KAT2B: variants seen among roughly 807,000 people sequenced by gnomAD.
KAT2B encodes histone acetyltransferase KAT2B.
In KAT2B, 36 loss-of-function variants were observed where a neutral mutation model predicts 105.9. That is an observed-to-expected ratio of 0.34 (90% CI 0.26 to 0.45). The LOEUF (loss-of-function observed/expected upper bound fraction) is 0.45, where lower values mean the gene tolerates loss of function less well. Ranked by LOEUF, KAT2B falls within the 20% of genes least tolerant of loss-of-function variation. The pLI is 1.00. For synonymous variants in KAT2B, 397 were observed against 377.9 expected (o/e 1.05, Z -0.59); for missense variants, 820 against 1,021.6 (o/e 0.80, Z 2.69).
intron 2 of KAT2B, among the ~76,000 whole-genome samples, chr3:20,073,030 A>G (rs1406640145): frequency 6.6e-6 from 1 of 152,104 alleles, no homozygotes; most frequent in East Asian, 1.9e-4. Context: ...ATTGTCAGTG[A>G]TGGCTCAGTA....
chr3:20,095,517 C>G, intron 3 of KAT2B, 109 bp downstream of exon 3: 1 of 695,498 alleles, frequency 1.4e-6, no homozygotes, highest in Non-Finnish European at 2.4e-6. Context: ...ACATTTTGCC[C>G]TCAGAGTTTG....
At chr3:20,090,231 C>G (rs1206441402) in intron 2 of KAT2B, among the ~76,000 whole-genome samples, 2 of 152,126 alleles carry the variant, frequency 1.3e-5, no homozygotes, top group Non-Finnish European at 1.5e-5. Flanking sequence ...ACTTCCAATA[C>G]TACGTTGAAA....
chr3:20,143,434 G>A (rs1169082330), intron 13 of KAT2B, among the ~76,000 whole-genome samples: 1 of 151,988 alleles, frequency 6.6e-6, no homozygotes, highest in Non-Finnish European at 1.5e-5. Context: ...ACTCTTGGTG[G>A]GAATGCAAAT....
At chr3:20,106,588 G>T (rs1428760260) in intron 5 of KAT2B, among the ~76,000 whole-genome samples, 1 of 152,104 alleles carries the variant, frequency 6.6e-6, no homozygotes, top group Non-Finnish European at 1.5e-5. Flanking sequence ...AGTATAAATT[G>T]AGGTCTATAA....
chr3:20,059,685 A>G (rs1270414063), intron 1 of KAT2B, among the ~76,000 whole-genome samples: 1 of 152,208 alleles, frequency 6.6e-6, no homozygotes, highest in Non-Finnish European at 1.5e-5. Context: ...AGCCTGGGCG[A>G]CTGAGCGAGA....
intron 11 of KAT2B, among the ~76,000 whole-genome samples, chr3:20,134,262 T>G (rs1699561930): frequency 6.6e-6 from 1 of 152,260 alleles, no homozygotes; most frequent in African/African-American, 2.4e-5. Flanking sequence ...TTTAGATTTC[T>G]AATCCATTTC....
At position 20,111,513 on chromosome 3, in the gene KAT2B, A is replaced by G. The variant is rs577786625; in HGVS notation, c.852-83A>G. ...CTAGTTTTTTTCTGCTATAGTTAAT[A>G]GTACGAGATAAACATAATTGAATAT... On this transcript the variant is annotated intron_variant, in intron 5 of 17. Coordinates refer to ENST00000263754, the MANE Select transcript of KAT2B (RefSeq NM_003884.5). The G allele has an allele frequency of 2.7e-6, 3 of 1,116,758 alleles. No homozygotes were observed. In the African/African-American group the frequency reaches 4.7e-5, roughly 18 times the overall value. 69.2% of individuals were successfully genotyped at this position (1,116,758 alleles called of 1,614,324 possible).
At chr3:20,088,814 C>T (rs767061655) in intron 2 of KAT2B, among the ~76,000 whole-genome samples, 12 of 152,086 alleles carry the variant, frequency 7.9e-5, no homozygotes, top group Admixed American at 2.0e-4. Context: ...AAAATCTTTG[C>T]GAAGACCAAT....
At chr3:20,067,456 A>G (rs1012316358) in intron 1 of KAT2B, among the ~76,000 whole-genome samples, 1 of 152,164 alleles carries the variant, frequency 6.6e-6, no homozygotes, top group Non-Finnish European at 1.5e-5. Context: ...TGTTAAGACA[A>G]GAAGGGGCAT....
intron 1 of KAT2B, among the ~76,000 whole-genome samples, chr3:20,041,944 A>G (rs1209630901): frequency 2.6e-5 from 4 of 152,206 alleles, no homozygotes; most frequent in South Asian, 4.1e-4. Context: ...TGGAATGTCT[A>G]TGCTTGCTCT....
At chr3:20,046,504 G>A (rs1483890465) in intron 1 of KAT2B, among the ~76,000 whole-genome samples, 1 of 152,176 alleles carries the variant, frequency 6.6e-6, no homozygotes, top group African/African-American at 2.4e-5. Flanking sequence ...GATGGCTTGA[G>A]CCTGGGAGGC....
chr3:20,127,487 T>C lies in KAT2B; in HGVS notation c.1687T>C (p.Phe563Leu), dbSNP rs762269902. ...TATTGGTGGTATCTGTTTCCGTATG[T>C]TCCCATCTCAAGGATTCACAGAGAT... Reference protein sequence around the residue: ...RVIGGICFRMFPSQGFTEIVF... With the variant: ...RVIGGICFRMLPSQGFTEIVF... The change falls in exon 11 of 18, where the codon TTC becomes CTC. Residue 563 changes from phenylalanine (F) to leucine (L), a missense_variant. By Grantham distance (22) the Phe-to-Leu change is conservative (BLOSUM62 0). Around this residue, in one of 6 missense-constraint regions of KAT2B, gnomAD observed 225 missense variants for 268.1 expected, o/e 0.84. Coordinates refer to ENST00000263754, the MANE Select transcript of KAT2B (RefSeq NM_003884.5). 8 of 1,613,078 alleles carry C rather than the reference T, an allele frequency of 5.0e-6. No homozygotes were observed. Among genetic ancestry groups the C allele is most frequent in the Non-Finnish European group, 5.1e-6 (6 of 1,179,112 alleles).
intron 2 of KAT2B, among the ~76,000 whole-genome samples, chr3:20,093,754 A>T (rs1575129288): frequency 6.6e-6 from 1 of 152,234 alleles, no homozygotes; most frequent in Non-Finnish European, 1.5e-5. Flanking sequence ...AAGCATTTTT[A>T]AGCCAGCACA....
chr3:20,119,930 T>G (rs545201070), intron 8 of KAT2B, among the ~76,000 whole-genome samples: 1 of 152,360 alleles, frequency 6.6e-6, no homozygotes, highest in East Asian at 1.9e-4. Context: ...CATAGCTCAC[T>G]CATTTGGTGT....
At chr3:20,113,359 A>C (rs1205312443) in intron 6 of KAT2B, among the ~76,000 whole-genome samples, 2 of 152,142 alleles carry the variant, frequency 1.3e-5, no homozygotes, top group Non-Finnish European at 2.9e-5. Flanking sequence ...CCTTCCCAAC[A>C]CCTGTTATGG....
intron 5 of KAT2B, among the ~76,000 whole-genome samples, chr3:20,110,763 C>T (rs1453659089): frequency 6.6e-6 from 1 of 151,770 alleles, no homozygotes; most frequent in Non-Finnish European, 1.5e-5. Context: ...TGGCCGAATG[C>T]ACTTTCTAAA....
chr3:20,048,397 C>T (rs754421986), intron 1 of KAT2B, among the ~76,000 whole-genome samples: 1 of 152,070 alleles, frequency 6.6e-6, no homozygotes, highest in Admixed American at 6.5e-5. Context: ...TTGGAAATAG[C>T]GATTTGTGAT....
intron 5 of KAT2B, among the ~76,000 whole-genome samples, chr3:20,107,007 ATATATATATTTTTTTTTTTTTTTTTTT>A (rs1699028730): frequency 4.0e-5 from 1 of 25,230 alleles, no homozygotes; most frequent in African/African-American, 1.8e-4. Flanking sequence ...ATATATATAT[ATATATATATTTTTTTTTTTTTTTTTTT>A]TTTTTTTTTT....
intron 4 of KAT2B, chr3:20,101,029 C>T (rs1698900620): frequency 4.3e-6 from 2 of 468,610 alleles, no homozygotes; most frequent in Non-Finnish European, 7.6e-6. Flanking sequence ...TTGATTTTCT[C>T]CTTAATGCTT....
Sources: gnomAD v4.1 joint callset for allele counts (sites outside exome capture counted in the v4.1 genomes callset) on GRCh38, gnomAD v4.1.1 for gene constraint, gnomAD v4.1.1 regional missense constraint, MANE v1.5 for transcripts, NCBI Gene and HGNC (gene_info 2026-07-23, HGNC 2026-07-21) for gene names.